The following SHISA9 variants were observed in gnomAD, a reference collection of about 807,000 sequenced individuals.
SHISA9 encodes protein shisa-9.
A neutral mutation model predicts 38.0 loss-of-function variants in SHISA9; 13 were observed. That is an observed-to-expected ratio of 0.34 (90% CI 0.22 to 0.54). The LOEUF is 0.54. SHISA9 is among the 20% of genes least tolerant of loss of function. The pLI, the probability that SHISA9 is intolerant of heterozygous loss-of-function variation, is 0.91. For synonymous variants in SHISA9, 275 were observed against 242.0 expected (o/e 1.14, Z -1.27); for missense variants, 538 against 575.8 (o/e 0.93, Z 0.67).
the SHISA9 span, among the ~76,000 whole-genome samples, chr16:13,452,185 A>G: frequency 0.028 from 4,311 of 152,304 alleles, 100 homozygotes; most frequent in Non-Finnish European, 0.047. Flanking sequence ...GTAAAGCCCA[A>G]TTGTTATTCT....
chr16:12,980,621 T>C (rs1201351308), intron 2 of SHISA9, among the ~76,000 whole-genome samples: 1 of 152,166 alleles, frequency 6.6e-6, no homozygotes, highest in African/African-American at 2.4e-5. Context: ...TCTGAGAAAT[T>C]TGTACTCATT....
chr16:12,944,699 TG>T (rs1026752724), intron 2 of SHISA9, among the ~76,000 whole-genome samples: 1 of 152,178 alleles, frequency 6.6e-6, no homozygotes, highest in African/African-American at 2.4e-5. Flanking sequence ...GGAACTTAAA[TG>T]TTCCTTATGC....
the SHISA9 span, among the ~76,000 whole-genome samples, chr16:13,260,010 T>A: frequency 1.1e-5 from 1 of 94,950 alleles, no homozygotes; most frequent in Non-Finnish European, 2.1e-5. Context: ...TTTCTTTCTT[T>A]TTTTTTTTTT....
At chr16:13,000,748 G>A (rs943036439) in intron 2 of SHISA9, among the ~76,000 whole-genome samples, 3 of 152,188 alleles carry the variant, frequency 2.0e-5, no homozygotes, top group African/African-American at 7.2e-5. Flanking sequence ...TCAAGAATGA[G>A]CAGCTGCCAT....
At chr16:13,213,435 C>T (rs541871751) in intron 4 of SHISA9, 135 bp downstream of exon 4, 154 of 732,072 alleles carry the variant, frequency 2.1e-4, no homozygotes, top group Non-Finnish European at 3.2e-4. Flanking sequence ...TCTGCAAGTC[C>T]GTCTAAGTTC....
intron 2 of SHISA9, among the ~76,000 whole-genome samples, chr16:13,151,306 C>T (rs1350029036): frequency 6.6e-6 from 1 of 152,048 alleles, no homozygotes; most frequent in Non-Finnish European, 1.5e-5. Context: ...GGGGTTTCAC[C>T]ATGTTGGCCA....
chr16:13,421,958 G>A, the SHISA9 span, among the ~76,000 whole-genome samples: 1 of 152,224 alleles, frequency 6.6e-6, no homozygotes, highest in Non-Finnish European at 1.5e-5. Flanking sequence ...CCCATGTGGT[G>A]ATCTAAGCCC....
the SHISA9 span, among the ~76,000 whole-genome samples, chr16:13,275,472 C>A: frequency 6.6e-6 from 1 of 151,844 alleles, no homozygotes; most frequent in African/African-American, 2.4e-5. Context: ...AATATATTAT[C>A]AAATGTATGA....
At chr16:12,985,327 T>C (rs1440024470) in intron 2 of SHISA9, among the ~76,000 whole-genome samples, 1 of 152,214 alleles carries the variant, frequency 6.6e-6, no homozygotes, top group East Asian at 1.9e-4. Flanking sequence ...GCTCTGCAGA[T>C]CTGGGATTTC....
chr16:12,916,010 TG>T (rs762802879), intron 1 of SHISA9, among the ~76,000 whole-genome samples: 31 of 116,432 alleles, frequency 2.7e-4, no homozygotes, highest in Admixed American at 2.8e-4. Flanking sequence ...TGTGTGTGTG[TG>T]TTTTTTTTTT....
At chr16:13,362,326 T>A in the SHISA9 span, among the ~76,000 whole-genome samples, 1 of 151,110 alleles carries the variant, frequency 6.6e-6, no homozygotes, top group African/African-American at 2.4e-5. Flanking sequence ...TCCCAGCCAC[T>A]TGGGAGGTTG....
At chr16:13,359,239 G>A in the SHISA9 span, among the ~76,000 whole-genome samples, 1 of 152,122 alleles carries the variant, frequency 6.6e-6, no homozygotes. Context: ...TTTTTTGGGG[G>A]GAGGTCAAGG....
At chr16:13,281,873 A>G in the SHISA9 span, among the ~76,000 whole-genome samples, 11 of 151,676 alleles carry the variant, frequency 7.3e-5, no homozygotes, top group Non-Finnish European at 1.5e-4. Context: ...TGATACTTCC[A>G]ACAGTATAAT....
chr16:13,377,130 G>T, the SHISA9 span, among the ~76,000 whole-genome samples: 1 of 152,224 alleles, frequency 6.6e-6, no homozygotes, highest in Non-Finnish European at 1.5e-5. Context: ...CATACCAGTG[G>T]TGGAGAAATG....
At chr16:13,062,561 G>C (rs1429703042) in intron 2 of SHISA9, among the ~76,000 whole-genome samples, 1 of 152,118 alleles carries the variant, frequency 6.6e-6, no homozygotes, top group Non-Finnish European at 1.5e-5. Context: ...GCTGCAGAGA[G>C]TAGTGGGGTT....
At chr16:13,301,062 C>T in the SHISA9 span, among the ~76,000 whole-genome samples, 2 of 152,030 alleles carry the variant, frequency 1.3e-5, no homozygotes, top group Non-Finnish European at 2.9e-5. Flanking sequence ...TTCAAAAATG[C>T]GGATTCACCC....
intron 2 of SHISA9, among the ~76,000 whole-genome samples, chr16:12,999,933 GTTATTC>G (rs2072503584): frequency 6.6e-6 from 1 of 152,196 alleles, no homozygotes; most frequent in Non-Finnish European, 1.5e-5. Flanking sequence ...GGGAAATACA[GTTATTC>G]AGCTATGTGC....
the SHISA9 span, among the ~76,000 whole-genome samples, chr16:13,249,006 C>G: frequency 1.3e-5 from 2 of 152,184 alleles, no homozygotes; most frequent in South Asian, 2.1e-4. Context: ...ATGGAAACTT[C>G]TAGCTACTCT....
At chr16:12,929,577 G>A (rs543927115) in intron 2 of SHISA9, among the ~76,000 whole-genome samples, 109 of 152,012 alleles carry the variant, frequency 7.2e-4, no homozygotes, top group African/African-American at 2.5e-3. Flanking sequence ...CTTATAAGTG[G>A]GAGCTGAATG....
Sources: gnomAD v4.1 joint callset for allele counts (sites outside exome capture counted in the v4.1 genomes callset) on GRCh38, gnomAD v4.1.1 for gene constraint, MANE v1.5 for transcripts, NCBI Gene and HGNC (gene_info 2026-07-23, HGNC 2026-07-21) for gene names.